SLC24A3: variants seen among roughly 807,000 people sequenced by gnomAD.
SLC24A3 encodes solute carrier family 24 member 3.
In SLC24A3, 28 loss-of-function variants were observed where a neutral mutation model predicts 75.8. The observed-to-expected ratio is 0.37, with a 90% CI of 0.27 to 0.51. The LOEUF (loss-of-function observed/expected upper bound fraction) is 0.51, where lower values mean the gene tolerates loss of function less well. Among genes scored for constraint, SLC24A3 ranks in the 20% least tolerant of loss-of-function variants. The pLI is 0.94. For synonymous variants in SLC24A3, 372 were observed against 334.1 expected (o/e 1.11, Z -1.24); for missense variants, 663 against 847.8 (o/e 0.78, Z 2.71).
chr20:19,639,357 A>T (rs893610011), intron 6 of SLC24A3, among the ~76,000 whole-genome samples: 2 of 152,054 alleles, frequency 1.3e-5, no homozygotes, highest in African/African-American at 4.8e-5. Flanking sequence ...TGAGCTAGAC[A>T]TAAAGGTTCT....
intron 4 of SLC24A3, among the ~76,000 whole-genome samples, chr20:19,581,358 AT>A (rs556860245): frequency 6.6e-6 from 1 of 152,000 alleles, no homozygotes; most frequent in African/African-American, 2.4e-5. Flanking sequence ...TTCCCATGCA[AT>A]TTTTTTGGTG....
At chr20:19,572,117 G>T (rs990209949) in intron 3 of SLC24A3, among the ~76,000 whole-genome samples, 2 of 152,102 alleles carry the variant, frequency 1.3e-5, no homozygotes, top group African/African-American at 4.8e-5. Flanking sequence ...GGGGAGGATC[G>T]CTTGAGTCCA....
At chr20:19,293,931 C>G (rs559650102) in intron 2 of SLC24A3, among the ~76,000 whole-genome samples, 1 of 152,220 alleles carries the variant, frequency 6.6e-6, no homozygotes, top group Non-Finnish European at 1.5e-5. Context: ...ACCCCCCCAC[C>G]TCAGAATATC....
At chr20:19,397,422 C>G (rs568315333) in intron 2 of SLC24A3, among the ~76,000 whole-genome samples, 8 of 152,074 alleles carry the variant, frequency 5.3e-5, no homozygotes, top group Non-Finnish European at 1.2e-4. Context: ...TTGGAAACCC[C>G]AACAGTTGGA....
chr20:19,526,064 G>A (rs751968655), intron 3 of SLC24A3, among the ~76,000 whole-genome samples: 13 of 152,198 alleles, frequency 8.5e-5, no homozygotes, highest in Non-Finnish European at 1.5e-4. Context: ...CACACCCTCC[G>A]CGGGTGTGCT....
intron 3 of SLC24A3, among the ~76,000 whole-genome samples, chr20:19,542,192 G>C (rs1246113357): frequency 1.3e-5 from 2 of 152,218 alleles, no homozygotes; most frequent in East Asian, 3.9e-4. Flanking sequence ...GAAAATTGCA[G>C]TTCAATTTAT....
intron 2 of SLC24A3, among the ~76,000 whole-genome samples, chr20:19,502,063 A>G (rs1988392036): frequency 6.6e-6 from 1 of 152,118 alleles, no homozygotes. Flanking sequence ...TGGAGGGGAT[A>G]TGAACCTCAA....
At chr20:19,340,502 C>T (rs927035884) in intron 2 of SLC24A3, among the ~76,000 whole-genome samples, 3 of 152,110 alleles carry the variant, frequency 2.0e-5, no homozygotes, top group African/African-American at 7.2e-5. Flanking sequence ...TGACAGCATC[C>T]CTAGCAAACG....
At chr20:19,264,406 T>C (rs1223181716) in intron 1 of SLC24A3, among the ~76,000 whole-genome samples, 1 of 152,144 alleles carries the variant, frequency 6.6e-6, no homozygotes, top group African/African-American at 2.4e-5. Context: ...TGTGTCTCTC[T>C]GCTTCCTGGC....
At chr20:19,662,848 C>T (rs778913284) in intron 7 of SLC24A3, among the ~76,000 whole-genome samples, 4 of 152,140 alleles carry the variant, frequency 2.6e-5, no homozygotes, top group East Asian at 3.8e-4. Context: ...TCATCCTTGC[C>T]GTTTGTAGAG....
intron 6 of SLC24A3, among the ~76,000 whole-genome samples, chr20:19,614,440 A>T (rs2031710223): frequency 1.3e-5 from 2 of 152,212 alleles, no homozygotes; most frequent in Non-Finnish European, 2.9e-5. Flanking sequence ...GCCCCAGCCC[A>T]TCCTCTCCTG....
chr20:19,709,839 C>T (rs2032970841), intron 15 of SLC24A3, among the ~76,000 whole-genome samples: 1 of 152,160 alleles, frequency 6.6e-6, no homozygotes, highest in African/African-American at 2.4e-5. Context: ...TCAGTTGTCT[C>T]ATCTTTCAAA....
chr20:19,677,853 G>A (rs140443715), intron 9 of SLC24A3, among the ~76,000 whole-genome samples: 1 of 152,084 alleles, frequency 6.6e-6, no homozygotes, highest in African/African-American at 2.4e-5. Flanking sequence ...GGACCCTGAG[G>A]CCTTCCGCAG....
At chr20:19,280,392 A>G (rs1297071089) in intron 1 of SLC24A3, among the ~76,000 whole-genome samples, 3 of 152,068 alleles carry the variant, frequency 2.0e-5, no homozygotes, top group Admixed American at 6.6e-5. Flanking sequence ...TGTATGTTCA[A>G]TGGTGGGTGG....
chr20:19,477,640 T>C (rs1987983569), intron 2 of SLC24A3, among the ~76,000 whole-genome samples: 1 of 152,166 alleles, frequency 6.6e-6, no homozygotes. Flanking sequence ...TTGGTTCAAC[T>C]CTGGCTCCTC....
At chr20:19,580,139 T>G in intron 4 of SLC24A3, 65 bp downstream of exon 4, 1 of 1,416,676 alleles carries the variant, frequency 7.1e-7, no homozygotes, top group Non-Finnish European at 9.9e-7. Flanking sequence ...CCCTGTACTG[T>G]TCCAGCCTCC....
intron 6 of SLC24A3, among the ~76,000 whole-genome samples, chr20:19,592,524 A>G (rs997909429): frequency 9.2e-5 from 14 of 152,204 alleles, no homozygotes; most frequent in African/African-American, 3.1e-4. Flanking sequence ...CAATGGGGGA[A>G]AGAAAATGAA....
At chr20:19,260,064 G>C (rs189597997) in intron 1 of SLC24A3, among the ~76,000 whole-genome samples, 2 of 152,264 alleles carry the variant, frequency 1.3e-5, no homozygotes, top group African/African-American at 4.8e-5. Context: ...TGGATACCAG[G>C]CCCAGCTCTG....
At chr20:19,491,269 C>G (rs148180632) in intron 2 of SLC24A3, among the ~76,000 whole-genome samples, 1 of 152,316 alleles carries the variant, frequency 6.6e-6, no homozygotes, top group East Asian at 1.9e-4. Flanking sequence ...GCTTCTCATT[C>G]CGGTTCCTCC....
Sources: gnomAD v4.1 joint callset for allele counts (sites outside exome capture counted in the v4.1 genomes callset) on GRCh38, gnomAD v4.1.1 for gene constraint, MANE v1.5 for transcripts, NCBI Gene and HGNC (gene_info 2026-07-23, HGNC 2026-07-21) for gene names.